RANGAP1: variants seen among roughly 807,000 people sequenced by gnomAD.
RANGAP1 encodes the protein Ran GTPase activating protein 1, also known as ran GTPase-activating protein 1.
RANGAP1 carries 38 observed loss-of-function variants against 63.5 expected under a neutral mutation model. That is an observed-to-expected ratio of 0.60 (90% CI 0.46 to 0.78). The LOEUF is 0.78. RANGAP1 is among the 30% of genes least tolerant of loss of function. The pLI is 0.00. For synonymous variants in RANGAP1, 329 were observed against 310.5 expected, an observed-to-expected ratio of 1.06 and a Z score of -0.63; for missense variants, 630 against 740.3, an observed-to-expected ratio of 0.85 and a Z score of 1.73.
chr22:41,253,042 C>T lies in RANGAP1; in HGVS notation c.1261-51G>A, dbSNP rs568096458. 9 of 1,376,880 alleles carry T rather than the reference C, an allele frequency of 6.5e-6. No homozygotes were observed. In the East Asian group the frequency reaches 1.5e-4, roughly 23 times the overall value. The allele number at this position is 1,376,880 out of a possible 1,614,324, so 85.3% of individuals were successfully genotyped here. On this transcript the variant is annotated intron_variant, in intron 11 of 15. Coordinates refer to ENST00000356244, the MANE Select transcript of RANGAP1 (RefSeq NM_002883.4). ...TGGAGAATTCCGGACCCCAGACTCC[C>T]CGACACAGCTGTGCCCATCCCCACA...
chr22:41,279,872 C>T (rs1465647383), intron 2 of RANGAP1, among the ~76,000 whole-genome samples: 1 of 150,070 alleles, frequency 6.7e-6, no homozygotes, highest in Non-Finnish European at 1.5e-5. Context: ...CCAAGGTGGG[C>T]AGATCACCTG....
intron 2 of RANGAP1, among the ~76,000 whole-genome samples, chr22:41,278,139 C>G (rs113067758): frequency 1.3e-5 from 2 of 151,276 alleles, no homozygotes; most frequent in Non-Finnish European, 1.5e-5. Context: ...CGGGTTCAAG[C>G]GATTCTCCTG....
chr22:41,280,858 C>T lies in RANGAP1; in HGVS notation c.112+75G>A, dbSNP rs902150314. On this transcript the variant is annotated intron_variant, in intron 2 of 15. Transcript: ENST00000356244. ...ATGGAGACAATGTAGCAGAAAGAGC[C>T]TGACAACCAGTAAGAGTTCAGTACA... is the stretch of plus-strand genomic sequence containing the variant. 1.0e-5 allele frequency: 16 copies of T among 1,598,634 alleles called. No homozygotes were observed. The African/African-American group carries it at 2.0e-4, about 20-fold the overall frequency.
intron 1 of RANGAP1, chr22:41,285,569 GC>G (rs2035710412): frequency 1.0e-6 from 1 of 985,352 alleles, no homozygotes; most frequent in Non-Finnish European, 1.2e-6. Flanking sequence ...AGCGGCGCCA[GC>G]CCGGGGCCCC....
chr22:41,276,255 TTG>T (rs1156725199), intron 2 of RANGAP1, among the ~76,000 whole-genome samples: 1 of 152,218 alleles, frequency 6.6e-6, no homozygotes, highest in Non-Finnish European at 1.5e-5. Flanking sequence ...TAATGGGTGA[TTG>T]TGTGTTTTTA....
chr22:41,264,646 G>A lies in RANGAP1; in HGVS notation c.480+18C>T, dbSNP rs757986652. 4 of 1,604,886 alleles carry A rather than the reference G, an allele frequency of 2.5e-6. No individual in the cohort carries two copies. The highest frequency in any genetic ancestry group is 2.2e-5 in the East Asian group (1 of 44,622). ...GATGGACCAGGGGACTCTGCGGGGA[G>A]GGGGCTGCCACACCCACCTTGCCGC... On this transcript the variant is annotated intron_variant, in intron 5 of 15. Transcript: ENST00000356244.
Position 41,245,986 on chromosome 22 carries a change from G to A in RANGAP1, c.*617C>T, listed in dbSNP as rs960283164. 1 of 153,256 alleles carries A rather than the reference G, an allele frequency of 6.5e-6. No homozygotes were observed. The highest frequency in any genetic ancestry group is 6.5e-5 in the Admixed American group (1 of 15,356). The allele number at this position is 153,256 out of a possible 1,614,324, so 9.5% of individuals were successfully genotyped here. On this transcript the variant is annotated 3_prime_UTR_variant, in exon 16 of 16. Coordinates refer to ENST00000356244, the MANE Select transcript of RANGAP1 (RefSeq NM_002883.4). ...TGGTGTCTGCCTGTCCACACGGTGT[G>A]GGGCCCAGGGTTGCCCTCTGCCAAC...
At chr22:41,266,926 G>T (rs2034514982) in intron 4 of RANGAP1, among the ~76,000 whole-genome samples, 2 of 131,898 alleles carry the variant, frequency 1.5e-5, no homozygotes, top group South Asian at 4.6e-4. Context: ...TGTCACCCAG[G>T]TTGGAGTGCA....
At chr22:41,249,140 G>T (rs948554105) in intron 15 of RANGAP1, among the ~76,000 whole-genome samples, 190 bp downstream of exon 15, 1 of 152,210 alleles carries the variant, frequency 6.6e-6, no homozygotes, top group Admixed American at 6.5e-5. Flanking sequence ...AGGGGAGTGG[G>T]CCTCCCAAGG....
chr22:41,247,685 C>T (rs1438629891), intron 15 of RANGAP1, among the ~76,000 whole-genome samples: 2 of 152,234 alleles, frequency 1.3e-5, no homozygotes, highest in Non-Finnish European at 2.9e-5. Flanking sequence ...ATTAGTTTCA[C>T]TGCAAAGGAA....
At chr22:41,281,644 A>G (rs567182896) in intron 1 of RANGAP1, 1 of 986,890 alleles carries the variant, frequency 1.0e-6, no homozygotes, top group African/African-American at 1.7e-5. Flanking sequence ...GAGACTGGGC[A>G]GGCCACAATG....
intron 3 of RANGAP1, among the ~76,000 whole-genome samples, chr22:41,271,801 C>T (rs1232512749): frequency 6.6e-6 from 1 of 152,200 alleles, no homozygotes; most frequent in Non-Finnish European, 1.5e-5. Context: ...CCTCACTCCT[C>T]ACTTGCACAC....
At chr22:41,292,498 T>G in the RANGAP1 span, among the ~76,000 whole-genome samples, 1 of 150,944 alleles carries the variant, frequency 6.6e-6, no homozygotes, top group Non-Finnish European at 1.5e-5. Flanking sequence ...CAATGTCTCA[T>G]GCCTGTAATC....
At position 41,250,994 on chromosome 22, in the gene RANGAP1, C is replaced by T; in HGVS notation, c.1483+13G>A. 1.2e-6 allele frequency: 2 copies of T among 1,612,122 alleles called. No homozygotes were observed. The highest frequency in any genetic ancestry group is 1.7e-6 in the Non-Finnish European group (2 of 1,178,398). On this transcript the variant is annotated intron_variant, in intron 13 of 15. Transcript: ENST00000356244. Reference sequence around the variant, plus strand: ...GGACAGAGGGCACCCAGGTCTCACCCAGCCCACATTACCTACTGCATCCTG... The same window carrying T: ...GGACAGAGGGCACCCAGGTCTCACCTAGCCCACATTACCTACTGCATCCTG...
chr22:41,292,511 AG>A, the RANGAP1 span, among the ~76,000 whole-genome samples: 1 of 151,982 alleles, frequency 6.6e-6, no homozygotes, highest in Non-Finnish European at 1.5e-5. Flanking sequence ...CTGTAATCCC[AG>A]GACTTTGGGA....
At chr22:41,247,078 C>T (rs550974330) in intron 15 of RANGAP1, among the ~76,000 whole-genome samples, 10 of 151,628 alleles carry the variant, frequency 6.6e-5, no homozygotes, top group African/African-American at 9.7e-5. Flanking sequence ...TTTTTTGAGA[C>T]GGAGTCTCGC....
At chr22:41,289,107 G>A (rs1361394064), upstream of RANGAP1, among the ~76,000 whole-genome samples, 1 of 151,348 alleles carries the variant, frequency 6.6e-6, no homozygotes, top group African/African-American at 2.4e-5. Context: ...ATTTTTAGTA[G>A]AGACGGTTTC....
intron 3 of RANGAP1, 124 bp downstream of exon 3, chr22:41,274,476 A>T: frequency 1.4e-6 from 2 of 1,417,332 alleles, no homozygotes; most frequent in South Asian, 2.8e-5. Flanking sequence ...GAGGAAGAGG[A>T]GCTGCTTGGG....
the RANGAP1 span, among the ~76,000 whole-genome samples, chr22:41,296,824 G>C: frequency 2.6e-5 from 4 of 152,150 alleles, no homozygotes; most frequent in East Asian, 7.7e-4. Context: ...GCTCATGTAA[G>C]TATGAAGACT....
Sources: gnomAD v4.1 joint callset for allele counts (sites outside exome capture counted in the v4.1 genomes callset) on GRCh38, gnomAD v4.1.1 for gene constraint, MANE v1.5 for transcripts, NCBI Gene and HGNC (gene_info 2026-07-23, HGNC 2026-07-21) for gene names.